AGAP5: variants seen among roughly 807,000 people sequenced by gnomAD.
The protein encoded by AGAP5 is ArfGAP with GTPase domain, ankyrin repeat and PH domain 5.
Under a neutral mutation model 27.7 loss-of-function variants are expected in AGAP5, and 8 were observed. That is an observed-to-expected ratio of 0.29 (90% CI 0.17 to 0.52). AGAP5 has a LOEUF of 0.52. Among genes scored for constraint, AGAP5 ranks in the 20% least tolerant of loss-of-function variants. The probability of loss-of-function intolerance (pLI) is 0.97; values close to 1 mark genes in which losing one functional copy is unlikely to be tolerated. For missense variants in AGAP5, 285 were observed against 880.8 expected (o/e 0.32, Z 8.56); for synonymous variants, 111 against 338.0 (o/e 0.33, Z 7.37).
intron 4 of AGAP5, among the ~76,000 whole-genome samples, chr10:73,689,597 G>C (rs1255679547): frequency 2.0e-5 from 3 of 151,108 alleles, no homozygotes; most frequent in African/African-American, 4.9e-5. Flanking sequence ...GTCTCTGCCC[G>C]GCCACCCATC....
Position 73,697,895 on chromosome 10 carries a change from C to T in AGAP5, c.-140G>A. The T allele has an allele frequency of 6.5e-7, 1 of 1,536,566 alleles. No individual in the cohort carries two copies. The highest frequency in any genetic ancestry group is 8.7e-7 in the Non-Finnish European group (1 of 1,147,314). On this transcript the variant is annotated 5_prime_UTR_variant, in exon 1 of 8. Coordinates refer to ENST00000374094, the MANE Select transcript of AGAP5 (RefSeq NM_001144000.4). Reference sequence around the variant, plus strand: ...TCGCCTGCCCACCTCACAGCGCGGCCCCGGGCACCATCCCTGGCCCCGGCC... The same window carrying T: ...TCGCCTGCCCACCTCACAGCGCGGCTCCGGGCACCATCCCTGGCCCCGGCC...
chr10:73,689,874 C>G (rs1316570957), intron 4 of AGAP5, among the ~76,000 whole-genome samples: 1 of 150,986 alleles, frequency 6.6e-6, no homozygotes. Flanking sequence ...GTCAGCCCCC[C>G]GCCCGGCCAG....
chr10:73,691,558 T>C (rs868806195), intron 4 of AGAP5, among the ~76,000 whole-genome samples: 20 of 151,174 alleles, frequency 1.3e-4, no homozygotes, highest in African/African-American at 4.6e-4. Context: ...AATGGCGCGA[T>C]CTTGGCTCAC....
At chr10:73,682,069 T>G (rs2082028722) in intron 5 of AGAP5, 1 of 982,982 alleles carries the variant, frequency 1.0e-6, no homozygotes, top group African/African-American at 1.7e-5. Flanking sequence ...AAATTAAAGA[T>G]AAAGACATTA....
At position 73,694,802 on chromosome 10, in the gene AGAP5, A is replaced by C. The variant is rs755110630; in HGVS notation, c.295T>G (p.Leu99Val). 2.5e-6 allele frequency: 4 copies of C among 1,598,240 alleles called. No homozygotes were observed. In the South Asian group the frequency reaches 3.3e-5, roughly 13 times the overall value. Residue 99 changes from leucine (L) to valine (V), a missense_variant and splice_region_variant, in exon 3 of 8, where the codon TTG becomes GTG. Transcript: ENST00000374094. ...IFQRNSQTDA[L>V]EFNPSANPEA... ...GGATTGGCAGAAGGGTTAAACTCCA[A>C]AGCTATATGCATAGAGGAAGAAAAG...
intron 6 of AGAP5, among the ~76,000 whole-genome samples, chr10:73,677,964 C>T (rs556939718): frequency 6.6e-6 from 1 of 152,034 alleles, no homozygotes; most frequent in South Asian, 2.1e-4. Context: ...GTTGTTAAAT[C>T]TTGACATGTC....
At chr10:73,678,901 T>C (rs1256631702) in intron 6 of AGAP5, among the ~76,000 whole-genome samples, 11 of 151,690 alleles carry the variant, frequency 7.3e-5, no homozygotes, top group African/African-American at 2.7e-4. Flanking sequence ...TCACCCAGGC[T>C]GGGGTGCAAT....
Position 73,697,897 on chromosome 10 carries a change from C to G in AGAP5, c.-142G>C. The G allele has an allele frequency of 1.3e-6, 2 of 1,536,108 alleles. No homozygotes were observed. Among genetic ancestry groups the G allele is most frequent in the South Asian group, 1.2e-5 (1 of 84,532 alleles). On this transcript the variant is annotated 5_prime_UTR_variant, in exon 1 of 8. Transcript: ENST00000374094. Reference sequence around the variant, plus strand: ...GCCTGCCCACCTCACAGCGCGGCCCCGGGCACCATCCCTGGCCCCGGCCCC... The same window carrying G: ...GCCTGCCCACCTCACAGCGCGGCCCGGGGCACCATCCCTGGCCCCGGCCCC...
At chr10:73,696,141 T>C (rs1033054473) in intron 2 of AGAP5, among the ~76,000 whole-genome samples, 2 of 152,040 alleles carry the variant, frequency 1.3e-5, no homozygotes, top group Non-Finnish European at 1.5e-5. Context: ...GCCTTGTGAG[T>C]AGGTGGAACT....
intron 4 of AGAP5, among the ~76,000 whole-genome samples, chr10:73,689,224 A>G (rs2082091586): frequency 6.6e-6 from 1 of 152,338 alleles, no homozygotes; most frequent in South Asian, 2.1e-4. Flanking sequence ...CCTAACTGAG[A>G]GTGATCCGCC....
Position 73,688,513 on chromosome 10 carries a change from T to TAA in AGAP5, c.396+3528_396+3529dup, listed in dbSNP as rs965875181. Among the ~76,000 whole-genome samples the TAA allele has an allele frequency of 9.7e-5, 14 of 143,984 alleles. No homozygotes were observed. In the East Asian group the frequency reaches 2.0e-3, roughly 21 times the overall value. 94.5% of individuals were successfully genotyped at this position (143,984 alleles called of 152,430 possible). A position where few individuals can be genotyped will look rare whatever the true frequency, so the allele number is the denominator to read the frequency against. On this transcript the variant is annotated intron_variant, in intron 4 of 7. Transcript: ENST00000374094. ...ACCAGTCAAAATCAGGAGCAAAACT[T>TAA]AAAAAAAAAACCTTAAAACACTCTC... is the stretch of plus-strand genomic sequence containing the variant.
chr10:73,679,757 A>G (rs1483752307), intron 6 of AGAP5, among the ~76,000 whole-genome samples: 1 of 152,236 alleles, frequency 6.6e-6, no homozygotes, highest in Admixed American at 6.5e-5. Flanking sequence ...ACAACAAAGC[A>G]TTATCTAGCC....
chr10:73,696,998 T>C, intron 2 of AGAP5, 97 bp downstream of exon 2: 1 of 1,556,988 alleles, frequency 6.4e-7, no homozygotes, highest in South Asian at 1.1e-5. Flanking sequence ...AGTTGGGATA[T>C]TTGAGTTTTT....
rs202049523 is a variant in AGAP5 at position 73,686,614 on chromosome 10, A to G, written c.397-3820T>C. Among the ~76,000 whole-genome samples the G allele has an allele frequency of 1.2e-4, 19 of 152,324 alleles. No homozygotes were observed. The East Asian group carries it at 3.7e-3, about 29-fold the overall frequency. Reference sequence around the variant, plus strand: ...ATCAGCAGAGTATACAGACAACCACAGAGTGGGAGGAAATCTTCACAGTCT... The same window carrying G: ...ATCAGCAGAGTATACAGACAACCACGGAGTGGGAGGAAATCTTCACAGTCT... On this transcript the variant is annotated intron_variant, in intron 4 of 7. Transcript: ENST00000374094.
intron 4 of AGAP5, among the ~76,000 whole-genome samples, chr10:73,688,719 A>G (rs1048717299): frequency 6.6e-6 from 1 of 152,042 alleles, no homozygotes; most frequent in Non-Finnish European, 1.5e-5. Context: ...AACAGAGAAA[A>G]TAAAAAAAAA....
At chr10:73,694,839 T>C in intron 2 of AGAP5, 35 bp from the exon 3 acceptor site, 1 of 1,597,356 alleles carries the variant, frequency 6.3e-7, no homozygotes. Flanking sequence ...AAAAAAGATG[T>C]AATCATTGAT....
chr10:73,697,983 T>A lies in AGAP5; in HGVS notation c.-228A>T. On this transcript the variant is annotated 5_prime_UTR_variant, in exon 1 of 8. Coordinates refer to ENST00000374094, the MANE Select transcript of AGAP5 (RefSeq NM_001144000.4). ...CTGCTGCCTCCCCTGAGTTGACTTGTCTGGGAGGGTGAAGACCAGCTGGCT... is the reference window on the plus strand; with the variant it reads ...CTGCTGCCTCCCCTGAGTTGACTTGACTGGGAGGGTGAAGACCAGCTGGCT... 6.8e-7 allele frequency: 1 copy of A among 1,477,504 alleles called. No individual in the cohort carries two copies. The highest frequency in any genetic ancestry group is 2.5e-5 in the East Asian group (1 of 40,286). 91.5% of individuals were successfully genotyped at this position (1,477,504 alleles called of 1,614,324 possible). A position where few individuals can be genotyped will look rare whatever the true frequency, so the allele number is the denominator to read the frequency against.
intron 4 of AGAP5, among the ~76,000 whole-genome samples, chr10:73,688,956 T>C (rs533395577): frequency 5.3e-5 from 8 of 152,050 alleles, no homozygotes; most frequent in South Asian, 2.1e-4. Flanking sequence ...GCCTCCTCTG[T>C]CTCCTCTGCC....
At chr10:73,678,125 C>T (rs1213735011) in intron 6 of AGAP5, among the ~76,000 whole-genome samples, 7 of 152,070 alleles carry the variant, frequency 4.6e-5, no homozygotes, top group South Asian at 2.1e-4. Flanking sequence ...CAGTGGCTCA[C>T]GCCTGTAAAA....
Sources: gnomAD v4.1 joint callset for allele counts (sites outside exome capture counted in the v4.1 genomes callset) on GRCh38, gnomAD v4.1.1 for gene constraint, MANE v1.5 for transcripts, NCBI Gene and HGNC (gene_info 2026-07-23, HGNC 2026-07-21) for gene names.